Variants in PHEX observed in about 807,000 individuals in gnomAD.
PHEX encodes phosphate regulating endopeptidase X-linked, also known as phosphate-regulating neutral endopeptidase PHEX.
A neutral mutation model predicts 68.0 loss-of-function variants in PHEX; 16 were observed. That is an observed-to-expected ratio of 0.24 (90% CI 0.16 to 0.36). The LOEUF (loss-of-function observed/expected upper bound fraction) is 0.36, where lower values mean the gene tolerates loss of function less well. PHEX is among the 10% of genes least tolerant of loss of function. The pLI is 1.00. For synonymous variants in PHEX, 208 were observed against 205.1 expected, an observed-to-expected ratio of 1.01 and a Z score of -0.12; for missense variants, 480 against 575.5, an observed-to-expected ratio of 0.83 and a Z score of 1.70.
In PHEX at chrX:22,112,813, G is replaced by C. The variant is rs754754201; in HGVS notation, c.1173+1253G>C. 7.0e-4 allele frequency among the ~76,000 whole-genome samples: 78 copies of C among 110,681 alleles called. 1 individual carries two copies. The highest frequency in any genetic ancestry group is 4.0e-3 in the Admixed American group (41 of 10,356). ...AGCTACTCGGGGGGCTGAGGCAGGA[G>C]AATTGCTTGAATCCGGGAGGCGGAG... On this transcript the variant is annotated intron_variant, in intron 10 of 21. Transcript: ENST00000379374.
chrX:22,049,095 G>A (rs1404372519), intron 3 of PHEX, among the ~76,000 whole-genome samples: 3 of 111,988 alleles, frequency 2.7e-5, no homozygotes. Flanking sequence ...GATTATGTCA[G>A]TAGATAACTT....
rs1936522807 is a variant in PHEX at position 22,249,899 on chromosome X, T to A, written c.*1946T>A. On this transcript the variant is annotated 3_prime_UTR_variant, in exon 22 of 22. Coordinates refer to ENST00000379374, the MANE Select transcript of PHEX (RefSeq NM_000444.6). ...CCTTTATAAACTCCAAATAAACACA[T>A]TCCTGCAGGTCAGAGAAAGTGTTTG... 9.0e-6 allele frequency: 1 copy of A among 111,423 alleles called. No homozygotes were observed. Among genetic ancestry groups the A allele is most frequent in the Non-Finnish European group, 1.9e-5 (1 of 53,078 alleles). The allele number at this position is 111,423 out of a possible 1,213,427, so 9.2% of individuals were successfully genotyped here. A position where few individuals can be genotyped will look rare whatever the true frequency, so the allele number is the denominator to read the frequency against.
intron 14 of PHEX, among the ~76,000 whole-genome samples, chrX:22,179,945 C>A (rs1933833466): frequency 9.3e-6 from 1 of 107,639 alleles, no homozygotes; most frequent in Non-Finnish European, 1.9e-5. Context: ...GTTGTTGTTG[C>A]TAATGACAGT....
At chrX:22,038,309 G>C (rs1241368209) in intron 1 of PHEX, among the ~76,000 whole-genome samples, 160 bp from the exon 2 acceptor site, 1 of 112,062 alleles carries the variant, frequency 8.9e-6, no homozygotes, top group Non-Finnish European at 1.9e-5. Context: ...CTAGCAGCTA[G>C]AGTCTGGTTT....
intron 3 of PHEX, among the ~76,000 whole-genome samples, chrX:22,071,830 G>A (rs1376780487): frequency 8.9e-6 from 1 of 112,644 alleles, no homozygotes; most frequent in Non-Finnish European, 1.9e-5. Context: ...GGGCGCGGTG[G>A]CTCATGCCTG....
chrX:22,168,176 C>T, intron 12 of PHEX, 136 bp from the exon 13 acceptor site: 1 of 513,608 alleles, frequency 1.9e-6, no homozygotes, highest in Non-Finnish European at 3.5e-6. Context: ...TATATTTTTG[C>T]CCTTCACAGT....
chrX:22,131,396 C>T (rs972132839), intron 11 of PHEX, among the ~76,000 whole-genome samples: 1 of 112,730 alleles, frequency 8.9e-6, no homozygotes, highest in Non-Finnish European at 1.9e-5. Context: ...AAGTTAAGAA[C>T]CACCGACTTA....
intron 10 of PHEX, among the ~76,000 whole-genome samples, chrX:22,113,052 TGTTTGTG>T (rs1931062733): frequency 2.1e-5 from 2 of 97,317 alleles, no homozygotes; most frequent in Non-Finnish European, 4.1e-5. Context: ...TGTGTGTGTG[TGTTTGTG>T]TGTATTTTTA....
chrX:22,038,864 T>A (rs952521353), intron 2 of PHEX, among the ~76,000 whole-genome samples: 2 of 111,819 alleles, frequency 1.8e-5, no homozygotes, highest in African/African-American at 3.2e-5. Context: ...GGCTATGAAT[T>A]CCTCTTTACC....
At chrX:22,090,850 T>C (rs1929850091) in intron 6 of PHEX, among the ~76,000 whole-genome samples, 3 of 111,941 alleles carry the variant, frequency 2.7e-5, no homozygotes, top group Non-Finnish European at 5.6e-5. Flanking sequence ...AGGAGACAGA[T>C]GGTTCCCAAA....
chrX:22,104,451 G>C (rs1187342674), intron 9 of PHEX, among the ~76,000 whole-genome samples: 1 of 110,822 alleles, frequency 9.0e-6, no homozygotes, highest in Admixed American at 9.6e-5. Context: ...AGGTGGAAAG[G>C]GGGGTGGGGT....
chrX:22,179,967 G>A (rs960620460), intron 14 of PHEX, among the ~76,000 whole-genome samples: 1 of 106,345 alleles, frequency 9.4e-6, no homozygotes, highest in Non-Finnish European at 1.9e-5. Flanking sequence ...TAGATAGCAT[G>A]TTGTAGCAAC....
chrX:22,069,171 A>G (rs1405450224), intron 3 of PHEX, among the ~76,000 whole-genome samples: 1 of 111,729 alleles, frequency 9.0e-6, no homozygotes, highest in Non-Finnish European at 1.9e-5. Context: ...TAGAGTTAGT[A>G]GTAAAAATGC....
chrX:22,151,377 A>G (rs2147102951), intron 12 of PHEX, among the ~76,000 whole-genome samples: 1 of 111,549 alleles, frequency 9.0e-6, no homozygotes, highest in Non-Finnish European at 1.9e-5. Flanking sequence ...TTCAAACCCC[A>G]AAGTCAGTTA....
At chrX:22,197,413 T>C (rs998067197) in intron 15 of PHEX, among the ~76,000 whole-genome samples, 2 of 111,087 alleles carry the variant, frequency 1.8e-5, no homozygotes, top group Non-Finnish European at 3.8e-5. Flanking sequence ...CATTGTGGCT[T>C]TTGTTTTTTG....
chrX:22,144,498 T>A (rs1932599886), intron 12 of PHEX, among the ~76,000 whole-genome samples: 1 of 111,380 alleles, frequency 9.0e-6, no homozygotes, highest in African/African-American at 3.2e-5. Flanking sequence ...TTTCATCTAC[T>A]CCCCTACTTG....
At chrX:22,195,226 G>T (rs1016016490) in intron 15 of PHEX, among the ~76,000 whole-genome samples, 1 of 111,917 alleles carries the variant, frequency 8.9e-6, no homozygotes, top group African/African-American at 3.2e-5. Flanking sequence ...GAATCCCTGC[G>T]ATAACCATTG....
intron 13 of PHEX, among the ~76,000 whole-genome samples, chrX:22,170,984 A>G (rs1933505109): frequency 1.8e-5 from 2 of 112,512 alleles, no homozygotes. Flanking sequence ...AGCAGACACA[A>G]TTACGCCCAA....
intron 3 of PHEX, among the ~76,000 whole-genome samples, chrX:22,061,237 TG>T (rs1160725509): frequency 1.8e-5 from 2 of 112,038 alleles, no homozygotes; most frequent in African/African-American, 6.5e-5. Context: ...AACGGCAGAA[TG>T]GAAGCCCTAC....
Sources: gnomAD v4.1 joint callset for allele counts (sites outside exome capture counted in the v4.1 genomes callset) on GRCh38, gnomAD v4.1.1 for gene constraint, MANE v1.5 for transcripts, NCBI Gene and HGNC (gene_info 2026-07-23, HGNC 2026-07-21) for gene names.